KCNK13: variants seen among roughly 807,000 people sequenced by gnomAD.
The protein encoded by KCNK13 is potassium two pore domain channel subfamily K member 13.
KCNK13 carries 12 observed loss-of-function variants against 23.4 expected under a neutral mutation model. The ratio of observed to expected loss-of-function variants is 0.51; its 90% CI spans 0.33 to 0.83. The LOEUF is 0.83. Ranked by LOEUF, KCNK13 falls within the 40% of genes least tolerant of loss-of-function variation. The probability of loss-of-function intolerance (pLI) is 0.02; values close to 1 mark genes in which losing one functional copy is unlikely to be tolerated. For synonymous variants in KCNK13, 231 were observed against 229.5 expected, an observed-to-expected ratio of 1.01 and a Z score of -0.06; for missense variants, 463 against 556.3, an observed-to-expected ratio of 0.83 and a Z score of 1.69.
At position 90,147,222 on chromosome 14, in the gene KCNK13, A is replaced by G. The variant is rs142756671; in HGVS notation, c.335-36889A>G. ...GTTATTCTATCATAGTCAGATGTGG[A>G]AGTCCTAAGAGATTTTCAGGCATAT... On this transcript the variant is annotated intron_variant, in intron 1 of 1. Coordinates refer to ENST00000282146, the MANE Select transcript of KCNK13 (RefSeq NM_022054.4). Among the ~76,000 whole-genome samples, 1,030 of 152,196 alleles carry G rather than the reference A, an allele frequency of 6.8e-3. 12 individuals are homozygous for G. Among genetic ancestry groups the G allele is most frequent in the African/African-American group, 0.023 (948 of 41,526 alleles).
intron 1 of KCNK13, among the ~76,000 whole-genome samples, chr14:90,103,736 TA>T (rs780044208): frequency 2.4e-4 from 36 of 152,168 alleles, no homozygotes; most frequent in Non-Finnish European, 4.7e-4. Context: ...CTAATTTTTG[TA>T]TTTTTAGTAG....
At chr14:90,140,804 G>C (rs1889996893) in intron 1 of KCNK13, among the ~76,000 whole-genome samples, 2 of 152,114 alleles carry the variant, frequency 1.3e-5, no homozygotes, top group Admixed American at 1.3e-4. Context: ...GTCTCCCCGG[G>C]GCGCAGTGGA....
chr14:90,133,224 G>T (rs77519176), intron 1 of KCNK13, among the ~76,000 whole-genome samples: 1 of 152,150 alleles, frequency 6.6e-6, no homozygotes, highest in African/African-American at 2.4e-5. Flanking sequence ...CATTTTGTAC[G>T]TGACAAATCA....
At chr14:90,131,677 G>A (rs919785093) in intron 1 of KCNK13, among the ~76,000 whole-genome samples, 1 of 152,246 alleles carries the variant, frequency 6.6e-6, no homozygotes, top group African/African-American at 2.4e-5. Context: ...ATAGGCGTAA[G>A]CCATCACACC....
chr14:90,184,140 GGA>G lies in KCNK13; in HGVS notation c.366_367del (p.Gly123LysfsTer60). 6.2e-7 allele frequency: 1 copy of G among 1,613,856 alleles called. No individual in the cohort carries two copies. On this transcript the variant is annotated frameshift_variant, in exon 2 of 2. Transcript: ENST00000282146. LOFTEE classifies it high-confidence loss of function. This position sits in a 1 kb window ranked among gnomAD's most constrained non-coding sequence, Gnocchi z 5.6. ...GFGMTTPATV[G>X]GKIFLIFYGL... is the part of the protein sequence containing the mutation. ...TGGGATGACAACTCCGGCGACAGTA[GGA>G]GGAAAAATCTTTCTGATCTTTTACG...
chr14:90,185,089 C>T lies in KCNK13; in HGVS notation c.*86C>T, dbSNP rs1485211465. The T allele has an allele frequency of 8.1e-7, 1 of 1,237,002 alleles. No individual in the cohort carries two copies. The highest frequency in any genetic ancestry group is 1.1e-6 in the Non-Finnish European group (1 of 921,370). 76.6% of individuals were successfully genotyped at this position (1,237,002 alleles called of 1,614,324 possible). ...GGACGAGCTCAGCCCTGCGCCTTGG[C>T]TCTGTTCCTTCTGGGAGCTGTTCCC... On this transcript the variant is annotated 3_prime_UTR_variant, in exon 2 of 2. Coordinates refer to ENST00000282146, the MANE Select transcript of KCNK13 (RefSeq NM_022054.4).
intron 1 of KCNK13, among the ~76,000 whole-genome samples, chr14:90,136,236 C>T (rs771092801): frequency 2.0e-5 from 3 of 152,128 alleles, no homozygotes; most frequent in Non-Finnish European, 2.9e-5. Flanking sequence ...TCTGCATTTC[C>T]TGCAGATGAA....
In KCNK13 at chr14:90,176,589, G is replaced by A. The variant is rs75249496; in HGVS notation, c.335-7522G>A. ...AACTGTTAGCATCAAAAAGATTGTG[G>A]GAAAGTATATGCAAGTCAAGCTTTG... On this transcript the variant is annotated intron_variant, in intron 1 of 1. Transcript: ENST00000282146. 1.7e-3 allele frequency among the ~76,000 whole-genome samples: 266 copies of A among 152,276 alleles called. 3 individuals carry two copies. The East Asian group carries it at 0.027, about 15-fold the overall frequency.
At chr14:90,084,908 A>T (rs541243589) in intron 1 of KCNK13, among the ~76,000 whole-genome samples, 2 of 151,878 alleles carry the variant, frequency 1.3e-5, no homozygotes, top group Non-Finnish European at 2.9e-5. Flanking sequence ...TATTTATATA[A>T]TGTTTTGCAT....
intron 1 of KCNK13, among the ~76,000 whole-genome samples, chr14:90,162,753 G>A (rs566784741): frequency 4.6e-5 from 7 of 152,160 alleles, no homozygotes; most frequent in Admixed American, 4.6e-4. Context: ...CAAAAGCCAA[G>A]AGCCACAATA....
intron 1 of KCNK13, among the ~76,000 whole-genome samples, chr14:90,104,725 G>A (rs936606705): frequency 7.3e-5 from 11 of 151,664 alleles, no homozygotes; most frequent in African/African-American, 2.4e-4. Flanking sequence ...GAAGAGTCTC[G>A]GGGGTCCCTT....
At chr14:90,118,422 A>G (rs1889701586) in intron 1 of KCNK13, among the ~76,000 whole-genome samples, 1 of 152,174 alleles carries the variant, frequency 6.6e-6, no homozygotes, top group Admixed American at 6.6e-5. Flanking sequence ...TGCATACCCA[A>G]AATTCCAGGA....
chr14:90,111,925 T>C (rs1889619520), intron 1 of KCNK13, among the ~76,000 whole-genome samples: 1 of 152,176 alleles, frequency 6.6e-6, no homozygotes, highest in Non-Finnish European at 1.5e-5. Context: ...CACTCCAGGC[T>C]CTTAAGAGAG....
At chr14:90,089,388 T>A (rs149833224) in intron 1 of KCNK13, among the ~76,000 whole-genome samples, 1 of 152,324 alleles carries the variant, frequency 6.6e-6, no homozygotes, top group East Asian at 1.9e-4. Flanking sequence ...AACTTTGAAC[T>A]TGAGAGAGAT....
chr14:90,115,131 G>A (rs1889660827), intron 1 of KCNK13, among the ~76,000 whole-genome samples: 2 of 152,190 alleles, frequency 1.3e-5, no homozygotes, highest in African/African-American at 4.8e-5. Flanking sequence ...TTCAGCTCCT[G>A]ATTGTAAATG....
chr14:90,155,865 G>A (rs11624964), intron 1 of KCNK13, among the ~76,000 whole-genome samples: 151,990 of 152,290 alleles, frequency 1, 75,847 homozygotes, highest in Middle Eastern at 1. Context: ...GCAGCTGGAT[G>A]CACGAGTATG....
intron 1 of KCNK13, among the ~76,000 whole-genome samples, chr14:90,141,286 T>G (rs1200852889): frequency 6.6e-6 from 1 of 152,256 alleles, no homozygotes; most frequent in Non-Finnish European, 1.5e-5. Flanking sequence ...TCTTATTTCT[T>G]GCAGCTTTCT....
intron 1 of KCNK13, among the ~76,000 whole-genome samples, chr14:90,126,606 C>T (rs1303912558): frequency 6.6e-6 from 1 of 151,980 alleles, no homozygotes; most frequent in African/African-American, 2.4e-5. Flanking sequence ...TGCAGTGGTG[C>T]AATCTCGGTT....
intron 1 of KCNK13, among the ~76,000 whole-genome samples, chr14:90,149,371 G>A (rs1050274327): frequency 9.2e-5 from 14 of 152,140 alleles, no homozygotes; most frequent in South Asian, 2.1e-4. Context: ...AAGAAAGAAA[G>A]AAAAAGAGGT....
Sources: gnomAD v4.1 joint callset for allele counts (sites outside exome capture counted in the v4.1 genomes callset) on GRCh38, gnomAD v4.1.1 for gene constraint, Gnocchi (gnomAD v3.1) non-coding constraint, MANE v1.5 for transcripts, NCBI Gene and HGNC (gene_info 2026-07-23, HGNC 2026-07-21) for gene names.